The following PPM1B variants were observed in gnomAD, a reference collection of about 807,000 sequenced individuals.
The protein encoded by PPM1B is protein phosphatase, Mg2+/Mn2+ dependent 1B.
A neutral mutation model predicts 43.0 loss-of-function variants in PPM1B; 22 were observed. That is an observed-to-expected ratio of 0.51 (90% CI 0.37 to 0.73). The LOEUF (loss-of-function observed/expected upper bound fraction) is 0.73. Among genes scored for constraint, PPM1B ranks in the 30% least tolerant of loss-of-function variants. The pLI is 0.00. For missense variants in PPM1B, 632 were observed against 584.2 expected (o/e 1.08, Z -0.84); for synonymous variants, 217 against 197.9 (o/e 1.10, Z -0.81).
At chr2:44,239,150 G>T (rs939568048), downstream of PPM1B, among the ~76,000 whole-genome samples, 7 of 141,520 alleles carry the variant, frequency 4.9e-5, no homozygotes, top group Non-Finnish European at 1.0e-4. Context: ...TGCCAGCCTG[G>T]GTAACAGAAT....
chr2:44,239,616 G>A (rs1480617911), downstream of PPM1B, among the ~76,000 whole-genome samples: 1 of 152,146 alleles, frequency 6.6e-6, no homozygotes, highest in Non-Finnish European at 1.5e-5. Context: ...CACATCTCAT[G>A]TAAGTGTGAA....
At chr2:44,232,694 G>GT (rs112537268), downstream of PPM1B, 61 of 1,036,716 alleles carry the variant, frequency 5.9e-5, no homozygotes, top group South Asian at 8.3e-5. Flanking sequence ...AATACATTAT[G>GT]TTTTTTTTCT....
chr2:44,175,534 C>T (rs1035725129), intron 1 of PPM1B, among the ~76,000 whole-genome samples: 5 of 152,136 alleles, frequency 3.3e-5, no homozygotes, highest in Middle Eastern at 3.2e-3. Context: ...TTGTCGTTGA[C>T]GATCTTGCAT....
Position 44,230,967 on chromosome 2 carries a change from C to A in PPM1B, c.*249C>A. On this transcript the variant is annotated 3_prime_UTR_variant, in exon 6 of 6. Transcript: ENST00000282412. Reference sequence around the variant, plus strand: ...ACATTGTATGCCAGAAATTAGGCTACCAATTATGAATTAAAGTCAGTAGTT... The same window carrying A: ...ACATTGTATGCCAGAAATTAGGCTAACAATTATGAATTAAAGTCAGTAGTT... 1.8e-6 allele frequency: 2 copies of A among 1,083,672 alleles called. No individual in the cohort carries two copies. Among genetic ancestry groups the A allele is most frequent in the South Asian group, 3.3e-5 (1 of 30,034 alleles). 67.1% of individuals were successfully genotyped at this position (1,083,672 alleles called of 1,614,324 possible).
At chr2:44,209,454 G>T in intron 3 of PPM1B, 127 bp downstream of exon 3, 1 of 1,044,360 alleles carries the variant, frequency 9.6e-7, no homozygotes, top group South Asian at 1.8e-5. Flanking sequence ...ATTTAGAGAG[G>T]GAAAGTATTC....
intron 1 of PPM1B, among the ~76,000 whole-genome samples, chr2:44,187,299 T>C (rs543170548): frequency 6.6e-6 from 1 of 152,322 alleles, no homozygotes; most frequent in South Asian, 2.1e-4. Context: ...ATTTTGTTTA[T>C]CCATTCGTTT....
chr2:44,214,796 TCTC>T (rs1172713452), intron 3 of PPM1B, among the ~76,000 whole-genome samples: 4 of 152,070 alleles, frequency 2.6e-5, no homozygotes. Context: ...AGCCTAAAGT[TCTC>T]CTAGTCAGAA....
At chr2:44,198,742 G>A (rs1668780245) in intron 1 of PPM1B, among the ~76,000 whole-genome samples, 1 of 152,118 alleles carries the variant, frequency 6.6e-6, no homozygotes, top group Admixed American at 6.6e-5. Flanking sequence ...CAGGGGCTTG[G>A]TTTCGGACCA....
chr2:44,178,934 G>A (rs1426036606), intron 1 of PPM1B, among the ~76,000 whole-genome samples: 2 of 152,182 alleles, frequency 1.3e-5, no homozygotes, highest in Non-Finnish European at 2.9e-5. Context: ...AAACAATGAA[G>A]TTAATTAGAT....
At chr2:44,238,956 C>T (rs1467968743), downstream of PPM1B, among the ~76,000 whole-genome samples, 1 of 151,180 alleles carries the variant, frequency 6.6e-6, no homozygotes, top group African/African-American at 2.4e-5. Context: ...CACTAAAAAT[C>T]CTAACTGAAA....
intron 2 of PPM1B, among the ~76,000 whole-genome samples, chr2:44,208,792 A>G (rs1483097535): frequency 6.6e-6 from 1 of 152,240 alleles, no homozygotes; most frequent in Non-Finnish European, 1.5e-5. Flanking sequence ...TGTTAAATTC[A>G]TGGAGTCGTA....
chr2:44,178,471 TATA>T (rs1378429875), intron 1 of PPM1B, among the ~76,000 whole-genome samples: 1 of 70,828 alleles, frequency 1.4e-5, no homozygotes, highest in Admixed American at 1.8e-4. Context: ...TATATATATA[TATA>T]TTTTTTTTTT....
downstream of PPM1B, chr2:44,231,585 G>T: frequency 1.9e-6 from 1 of 515,482 alleles, no homozygotes; most frequent in Non-Finnish European, 2.5e-6. Flanking sequence ...GAACACTTTT[G>T]GCTTACCTTT....
intron 5 of PPM1B, among the ~76,000 whole-genome samples, chr2:44,241,129 A>C (rs1360869594): frequency 4.9e-5 from 7 of 142,730 alleles, no homozygotes; most frequent in African/African-American, 1.7e-4. Flanking sequence ...TCAGCGTCCC[A>C]AGTAGCTGGG....
chr2:44,202,806 A>C (rs974684037), intron 2 of PPM1B, among the ~76,000 whole-genome samples: 1 of 152,208 alleles, frequency 6.6e-6, no homozygotes, highest in African/African-American at 2.4e-5. Context: ...AAAAGTCCAG[A>C]GTAATAGATA....
chr2:44,202,147 C>T (rs909713636), intron 2 of PPM1B, 102 bp downstream of exon 2: 3 of 1,167,580 alleles, frequency 2.6e-6, no homozygotes, highest in East Asian at 5.2e-5. Context: ...AATATTTTCA[C>T]AGAAGCTGTA....
chr2:44,240,548 T>C lies in PPM1B; in HGVS notation n.1547-3680T>C, dbSNP rs2104294158. The stretch of plus-strand genomic sequence containing the variant: ...CGTCATTTTGCATTAGTTTTGACTT[T>C]TTTAATGTTGCATTAAAATATCTAA... On this transcript the variant is annotated intron_variant and non_coding_transcript_variant, in intron 5 of 5. Transcript: ENST00000378540. Among the ~76,000 whole-genome samples, 2 of 143,062 alleles carry C rather than the reference T, an allele frequency of 1.4e-5. 1 individual carries two copies. The highest frequency in any genetic ancestry group is 4.8e-4 in the South Asian group (2 of 4,152). The allele number at this position is 143,062 out of a possible 152,430, so 93.9% of individuals were successfully genotyped here.
In PPM1B at chr2:44,178,452, G is replaced by A. The variant is rs1232305376; in HGVS notation, c.-15+9178G>A. Among the ~76,000 whole-genome samples the A allele has an allele frequency of 4.4e-5, 6 of 135,684 alleles. No homozygotes were observed. In the South Asian group the frequency reaches 6.9e-4, roughly 16 times the overall value. The allele number at this position is 135,684 out of a possible 152,430, so 89.0% of individuals were successfully genotyped here. On this transcript the variant is annotated intron_variant, in intron 1 of 5. Coordinates refer to ENST00000282412, the MANE Select transcript of PPM1B (RefSeq NM_002706.6). ...CCTACCAGTGGTGTATTTTATATAT[G>A]TATATATATATATATATATATATTT...
chr2:44,228,042 C>G (rs891591408), intron 5 of PPM1B, among the ~76,000 whole-genome samples: 12 of 151,316 alleles, frequency 7.9e-5, no homozygotes, highest in Admixed American at 6.6e-5. Flanking sequence ...CTGCCTCAGC[C>G]TCCCGGAGTA....
Sources: gnomAD v4.1 joint callset for allele counts (sites outside exome capture counted in the v4.1 genomes callset) on GRCh38, gnomAD v4.1.1 for gene constraint, MANE v1.5 for transcripts, NCBI Gene and HGNC (gene_info 2026-07-23, HGNC 2026-07-21) for gene names.